Variants in BRINP3 observed in about 807,000 individuals in gnomAD.
BRINP3 encodes BMP/retinoic acid-inducible neural-specific protein 3.
Under a neutral mutation model 71.0 loss-of-function variants are expected in BRINP3, and 19 were observed. That is an observed-to-expected ratio of 0.27 (90% CI 0.19 to 0.39). The LOEUF (loss-of-function observed/expected upper bound fraction) is 0.39, where lower values mean the gene tolerates loss of function less well. Among genes scored for constraint, BRINP3 ranks in the 10% least tolerant of loss-of-function variants. The pLI is 1.00. For synonymous variants in BRINP3, 380 were observed against 337.7 expected (o/e 1.13, Z -1.37); for missense variants, 959 against 940.8 (o/e 1.02, Z -0.25).
intron 4 of BRINP3, among the ~76,000 whole-genome samples, chr1:190,251,580 G>A (rs1407676486): frequency 6.6e-6 from 1 of 151,882 alleles, no homozygotes; most frequent in East Asian, 1.9e-4. Flanking sequence ...AAATTGTGTA[G>A]AGAAATGAGA....
At chr1:190,344,895 C>T (rs1472342136) in intron 2 of BRINP3, among the ~76,000 whole-genome samples, 1 of 151,804 alleles carries the variant, frequency 6.6e-6, no homozygotes, top group Non-Finnish European at 1.5e-5. Context: ...GAGATTATTA[C>T]TACAGAATGA....
At chr1:190,329,491 C>T (rs776852541) in intron 2 of BRINP3, among the ~76,000 whole-genome samples, 1 of 151,384 alleles carries the variant, frequency 6.6e-6, no homozygotes, top group Non-Finnish European at 1.5e-5. Context: ...AGGTGAAAGA[C>T]CTCTACACAG....
rs973292161 is a variant in BRINP3, at chr1:190,233,923, C to A, written c.724+449G>T. 7.2e-5 allele frequency among the ~76,000 whole-genome samples: 11 copies of A among 152,130 alleles called. No homozygotes were observed. In the South Asian group the frequency reaches 2.3e-3, roughly 31 times the overall value. The stretch of plus-strand genomic sequence containing the variant: ...TATTTTGTTAATATATCCTTAAGTA[C>A]ATTTCTATTTACCAGGAGAAAAATA... On this transcript the variant is annotated intron_variant, in intron 5 of 7. Transcript: ENST00000367462.
intron 4 of BRINP3, among the ~76,000 whole-genome samples, chr1:190,257,765 G>A (rs181848115): frequency 8.5e-4 from 130 of 152,246 alleles, no homozygotes; most frequent in South Asian, 4.1e-4. Flanking sequence ...GGGTTTGCTC[G>A]GAGGTCCACT....
intron 6 of BRINP3, among the ~76,000 whole-genome samples, chr1:190,225,821 G>C (rs1187375845): frequency 1.3e-5 from 2 of 151,906 alleles, no homozygotes; most frequent in Non-Finnish European, 2.9e-5. Context: ...TTCTTGTACT[G>C]AGAAAAGCAA....
chr1:190,115,767 G>A (rs1653081218), intron 7 of BRINP3, among the ~76,000 whole-genome samples: 1 of 152,252 alleles, frequency 6.6e-6, no homozygotes, highest in Admixed American at 6.5e-5. Flanking sequence ...AACCGAAGGT[G>A]ACATAATTTC....
At chr1:190,370,955 C>A (rs1669822693) in intron 2 of BRINP3, among the ~76,000 whole-genome samples, 2 of 151,854 alleles carry the variant, frequency 1.3e-5, no homozygotes, top group Non-Finnish European at 2.9e-5. Context: ...TTATCAAATA[C>A]CTGTTGGTCA....
In BRINP3 at chr1:190,435,480, T is replaced by C. The variant is rs148098793; in HGVS notation, c.236+19175A>G. On this transcript the variant is annotated intron_variant, in intron 2 of 7. Transcript: ENST00000367462. ...GATCGAGCAGACCAAAAAATAATTA[T>C]ATAGGAATAAGTGAACAAATTAGGA... 5.5e-3 allele frequency among the ~76,000 whole-genome samples: 844 copies of C among 152,138 alleles called. 5 individuals carry two copies. The highest frequency in any genetic ancestry group is 0.019 in the African/African-American group (779 of 41,558).
At chr1:190,449,907 C>A (rs1675492493) in intron 2 of BRINP3, among the ~76,000 whole-genome samples, 2 of 152,150 alleles carry the variant, frequency 1.3e-5, no homozygotes, top group Admixed American at 6.5e-5. Context: ...GATATGTAAT[C>A]ATTAATATTA....
intron 2 of BRINP3, among the ~76,000 whole-genome samples, chr1:190,422,983 T>A (rs998829107): frequency 1.3e-5 from 2 of 151,772 alleles, no homozygotes; most frequent in Non-Finnish European, 2.9e-5. Context: ...CTCATCTGAT[T>A]TTTGAAGTAA....
intron 4 of BRINP3, among the ~76,000 whole-genome samples, chr1:190,251,024 C>G (rs986490591): frequency 1.3e-5 from 2 of 151,612 alleles, no homozygotes; most frequent in Non-Finnish European, 2.9e-5. Flanking sequence ...TGAGACCAGG[C>G]TGGAAAACAC....
chr1:190,164,370 T>C (rs1651289292), intron 6 of BRINP3, among the ~76,000 whole-genome samples: 1 of 152,100 alleles, frequency 6.6e-6, no homozygotes, highest in Non-Finnish European at 1.5e-5. Flanking sequence ...TCAACTAAAA[T>C]AACTCAAAAC....
In BRINP3 at chr1:190,409,437, T is replaced by C. The variant is rs368071723; in HGVS notation, c.236+45218A>G. 5.3e-5 allele frequency among the ~76,000 whole-genome samples: 8 copies of C among 152,266 alleles called. No homozygotes were observed. In the East Asian group the frequency reaches 1.4e-3, roughly 26 times the overall value. ...TTTGAATTTCTAGAACTGGATCTCCTTCAAAATCACAGTCTAATATTTTCC... is the reference window on the plus strand; with the variant it reads ...TTTGAATTTCTAGAACTGGATCTCCCTCAAAATCACAGTCTAATATTTTCC... On this transcript the variant is annotated intron_variant, in intron 2 of 7. Coordinates refer to ENST00000367462, the MANE Select transcript of BRINP3 (RefSeq NM_199051.3).
chr1:190,208,041 G>A (rs1655666166), intron 6 of BRINP3, among the ~76,000 whole-genome samples: 1 of 151,952 alleles, frequency 6.6e-6, no homozygotes, highest in South Asian at 2.1e-4. Flanking sequence ...TCCGCCTCCT[G>A]GGCTCAAGGG....
intron 2 of BRINP3, among the ~76,000 whole-genome samples, chr1:190,412,145 A>T (rs890355026): frequency 6.8e-5 from 10 of 146,532 alleles, no homozygotes; most frequent in East Asian, 2.0e-4. Flanking sequence ...AGAACTCAAT[A>T]AAAAAAAAAG....
At position 190,255,014 on chromosome 1, in the gene BRINP3, A is replaced by G. The variant is rs190779535; in HGVS notation, c.618+9851T>C. On this transcript the variant is annotated intron_variant, in intron 4 of 7. Transcript: ENST00000367462. ...GAATTTTGTCAAATGCCTTTTCTGCATCAATTGAGATAATCATGTGGTTTT... is the reference window on the plus strand; with the variant it reads ...GAATTTTGTCAAATGCCTTTTCTGCGTCAATTGAGATAATCATGTGGTTTT... Among the ~76,000 whole-genome samples the G allele has an allele frequency of 9.5e-3, 1,440 of 151,490 alleles. 28 individuals carry two copies. Among genetic ancestry groups the G allele is most frequent in the Non-Finnish European group, 8.9e-3 (603 of 67,954 alleles).
At chr1:190,391,961 G>C (rs1671276839) in intron 2 of BRINP3, among the ~76,000 whole-genome samples, 1 of 151,566 alleles carries the variant, frequency 6.6e-6, no homozygotes, top group South Asian at 2.1e-4. Flanking sequence ...ATGTTAATGT[G>C]TGCATAACCC....
chr1:190,409,478 C>T (rs1265235929), intron 2 of BRINP3, among the ~76,000 whole-genome samples: 1 of 152,010 alleles, frequency 6.6e-6, no homozygotes, highest in African/African-American at 2.4e-5. Flanking sequence ...TTTTTCTGGA[C>T]CTTGTAAAGG....
At chr1:190,211,357 A>G (rs1231212848) in intron 6 of BRINP3, among the ~76,000 whole-genome samples, 1 of 152,018 alleles carries the variant, frequency 6.6e-6, no homozygotes, top group Non-Finnish European at 1.5e-5. Flanking sequence ...TGGATAATAC[A>G]GGTAGTATTT....
Sources: gnomAD v4.1 joint callset for allele counts (sites outside exome capture counted in the v4.1 genomes callset) on GRCh38, gnomAD v4.1.1 for gene constraint, MANE v1.5 for transcripts, NCBI Gene and HGNC (gene_info 2026-07-23, HGNC 2026-07-21) for gene names.